The following MSRA variants were observed in gnomAD, a reference collection of about 807,000 sequenced individuals.
MSRA encodes methionine sulfoxide reductase A.
Under a neutral mutation model 31.3 loss-of-function variants are expected in MSRA, and 54 were observed. That is an observed-to-expected ratio of 1.73 (90% CI 1.39 to 2.17). MSRA has a LOEUF of 2.17. MSRA is among the 30% of genes most tolerant of loss of function. The pLI, the probability that MSRA is intolerant of heterozygous loss-of-function variation, is 0.00. For synonymous variants in MSRA, 169 were observed against 116.5 expected, an observed-to-expected ratio of 1.45 and a Z score of -2.90; for missense variants, 507 against 300.9, an observed-to-expected ratio of 1.69 and a Z score of -5.07.
At chr8:10,200,775 GA>G (rs972508390) in intron 1 of MSRA, among the ~76,000 whole-genome samples, 1 of 152,178 alleles carries the variant, frequency 6.6e-6, no homozygotes, top group African/African-American at 2.4e-5. Context: ...AGCTGTGAGG[GA>G]CAAACACAAC....
At chr8:10,119,451 G>A (rs1028034055) in intron 1 of MSRA, among the ~76,000 whole-genome samples, 2 of 152,186 alleles carry the variant, frequency 1.3e-5, no homozygotes, top group African/African-American at 4.8e-5. Context: ...CTTGGGAGTG[G>A]CTTGTAGCAG....
At chr8:10,270,419 A>C (rs1342478566) in intron 3 of MSRA, among the ~76,000 whole-genome samples, 4 of 152,174 alleles carry the variant, frequency 2.6e-5, no homozygotes, top group Admixed American at 2.6e-4. Flanking sequence ...AAAAAAAAAA[A>C]AAAACTATCC....
intron 1 of MSRA, among the ~76,000 whole-genome samples, chr8:10,067,486 T>C (rs929602945): frequency 6.6e-6 from 1 of 152,234 alleles, no homozygotes; most frequent in Non-Finnish European, 1.5e-5. Context: ...ATAAAGCCTC[T>C]ATTAAAATTT....
chr8:10,358,565 CTTTTTTTTTTTTTTTTTTT>C (rs59106668), intron 5 of MSRA, among the ~76,000 whole-genome samples: 164 of 63,984 alleles, frequency 2.6e-3, no homozygotes, highest in Middle Eastern at 8.8e-3. Context: ...GCATTAGATT[CTTTTTTTTTTTTTTTTTTT>C]TTTTTTTTTT....
chr8:10,167,096 C>T (rs929790931), intron 1 of MSRA, among the ~76,000 whole-genome samples: 8 of 152,150 alleles, frequency 5.3e-5, no homozygotes, highest in South Asian at 2.1e-4. Context: ...TCTTCTTCTT[C>T]CCTCCTCTCC....
At chr8:10,301,144 A>G (rs1161125505) in intron 3 of MSRA, among the ~76,000 whole-genome samples, 2 of 152,112 alleles carry the variant, frequency 1.3e-5, no homozygotes, top group African/African-American at 4.8e-5. Flanking sequence ...TACATATAGC[A>G]TGGAGTGATG....
chr8:10,056,363 G>A (rs1285318458), intron 1 of MSRA, among the ~76,000 whole-genome samples: 1 of 152,036 alleles, frequency 6.6e-6, no homozygotes, highest in Non-Finnish European at 1.5e-5. Context: ...GGTAAAAGAT[G>A]AGCAAACATT....
chr8:10,305,470 G>A (rs956315526), intron 4 of MSRA, among the ~76,000 whole-genome samples: 7 of 144,092 alleles, frequency 4.9e-5, no homozygotes, highest in East Asian at 2.0e-4. Context: ...CTGGAGTACC[G>A]TGGTGTGATC....
intron 3 of MSRA, 68 bp downstream of exon 3, chr8:10,245,291 A>T: frequency 7.1e-7 from 1 of 1,416,724 alleles, no homozygotes; most frequent in Non-Finnish European, 9.7e-7. Flanking sequence ...CTGTTGGGTG[A>T]CAGGCTCTTT....
chr8:10,345,694 A>T (rs750610644), intron 5 of MSRA, among the ~76,000 whole-genome samples: 1 of 152,234 alleles, frequency 6.6e-6, no homozygotes, highest in Non-Finnish European at 1.5e-5. Context: ...AAAAATAATT[A>T]CATTATGAGA....
intron 3 of MSRA, among the ~76,000 whole-genome samples, chr8:10,251,954 G>T (rs531086076): frequency 6.6e-6 from 1 of 152,150 alleles, no homozygotes; most frequent in Admixed American, 6.5e-5. Context: ...TTCAAACTGG[G>T]TGACCATGGA....
chr8:10,098,475 A>T (rs1799320320), intron 1 of MSRA, among the ~76,000 whole-genome samples: 1 of 152,178 alleles, frequency 6.6e-6, no homozygotes, highest in African/African-American at 2.4e-5. Flanking sequence ...ACAAATGTTT[A>T]TTGAGCACTC....
chr8:10,296,510 ACT>A (rs2129121845), intron 3 of MSRA, among the ~76,000 whole-genome samples: 1 of 152,090 alleles, frequency 6.6e-6, no homozygotes, highest in East Asian at 1.9e-4. Flanking sequence ...AAGGTATTAA[ACT>A]CTGTGTTGGA....
intron 3 of MSRA, among the ~76,000 whole-genome samples, chr8:10,271,712 G>C (rs1302362571): frequency 7.5e-6 from 1 of 133,372 alleles, no homozygotes; most frequent in Non-Finnish European, 1.6e-5. Flanking sequence ...AATTTCCATG[G>C]GTAGTCTTTT....
intron 1 of MSRA, among the ~76,000 whole-genome samples, chr8:10,078,942 G>C (rs931018372): frequency 6.6e-6 from 1 of 152,200 alleles, no homozygotes; most frequent in African/African-American, 2.4e-5. Flanking sequence ...GTGGTCCCTC[G>C]CTAGCTTTTC....
At chr8:10,398,922 C>A (rs986264178) in intron 5 of MSRA, among the ~76,000 whole-genome samples, 1 of 152,162 alleles carries the variant, frequency 6.6e-6, no homozygotes, top group Non-Finnish European at 1.5e-5. Flanking sequence ...AGCTTCCTGG[C>A]AGAAGCCCCT....
intron 1 of MSRA, among the ~76,000 whole-genome samples, chr8:10,184,119 T>C: frequency 6.6e-6 from 1 of 151,864 alleles, no homozygotes; most frequent in Non-Finnish European, 1.5e-5. Flanking sequence ...TTGGTGGTGG[T>C]GCTGTTAGTG....
chr8:10,080,893 T>G (rs867527901), intron 1 of MSRA, among the ~76,000 whole-genome samples: 5 of 152,152 alleles, frequency 3.3e-5, no homozygotes, highest in Admixed American at 1.3e-4. Flanking sequence ...TGCTAAAGAC[T>G]AGTGTTTCTT....
At chr8:10,088,782 T>C (rs1283980060) in intron 1 of MSRA, among the ~76,000 whole-genome samples, 1 of 152,110 alleles carries the variant, frequency 6.6e-6, no homozygotes, top group African/African-American at 2.4e-5. Context: ...ATGTGATATA[T>C]GTATACAATG....
Sources: gnomAD v4.1 joint callset for allele counts (sites outside exome capture counted in the v4.1 genomes callset) on GRCh38, gnomAD v4.1.1 for gene constraint, MANE v1.5 for transcripts, NCBI Gene and HGNC (gene_info 2026-07-23, HGNC 2026-07-21) for gene names.